RWDD4: variants seen among roughly 807,000 people sequenced by gnomAD.
RWDD4 encodes the protein RWD domain-containing protein 4.
Under a neutral mutation model 30.0 loss-of-function variants are expected in RWDD4, and 16 were observed. That is an observed-to-expected ratio of 0.53 (90% CI 0.36 to 0.81). The LOEUF (loss-of-function observed/expected upper bound fraction) is 0.81. Ranked by LOEUF, RWDD4 falls within the 30% of genes least tolerant of loss-of-function variation. The pLI is 0.00. For missense variants in RWDD4, 170 were observed against 223.9 expected, an observed-to-expected ratio of 0.76 and a Z score of 1.54; for synonymous variants, 45 against 72.1, an observed-to-expected ratio of 0.62 and a Z score of 1.90.
intron 2 of RWDD4, among the ~76,000 whole-genome samples, chr4:183,655,492 G>T (rs1362158849): frequency 1.3e-5 from 2 of 152,064 alleles, no homozygotes; most frequent in African/African-American, 2.4e-5. Context: ...CACCATGTTG[G>T]CCAGGATGGT....
chr4:183,656,718 G>A (rs929692265), intron 1 of RWDD4, among the ~76,000 whole-genome samples: 3 of 152,256 alleles, frequency 2.0e-5, no homozygotes, highest in South Asian at 4.1e-4. Flanking sequence ...TTGATCTACA[G>A]TCAAAATTTT....
intron 2 of RWDD4, among the ~76,000 whole-genome samples, chr4:183,655,366 C>G (rs966826308): frequency 6.6e-6 from 1 of 151,930 alleles, no homozygotes; most frequent in African/African-American, 2.4e-5. Context: ...ACTGCAAGCT[C>G]TGCCTCCCGG....
At chr4:183,652,705 G>A (rs529009303) in intron 2 of RWDD4, among the ~76,000 whole-genome samples, 1 of 151,628 alleles carries the variant, frequency 6.6e-6, no homozygotes, top group South Asian at 2.1e-4. Flanking sequence ...AGCTGCTCAG[G>A]AGGCTGAGGC....
chr4:183,642,380 G>A (rs1389307122), intron 7 of RWDD4, among the ~76,000 whole-genome samples: 2 of 137,010 alleles, frequency 1.5e-5, no homozygotes, highest in African/African-American at 3.1e-5. Context: ...TAGTAGAGAC[G>A]GGGTTTCACC....
chr4:183,658,368 G>A (rs769202097), intron 1 of RWDD4, among the ~76,000 whole-genome samples: 1 of 152,118 alleles, frequency 6.6e-6, no homozygotes, highest in African/African-American at 2.4e-5. Flanking sequence ...ATGATTCAAT[G>A]TCAAAATGGC....
chr4:183,642,317 G>A (rs1395828593), intron 7 of RWDD4, among the ~76,000 whole-genome samples: 4 of 125,264 alleles, frequency 3.2e-5, no homozygotes, highest in South Asian at 2.6e-4. Context: ...AGCCTCCCAA[G>A]TAGCTGGGAC....
At position 183,659,169 on chromosome 4, in the gene RWDD4, G is replaced by T; in HGVS notation, c.-217C>A. On this transcript the variant is annotated 5_prime_UTR_variant, in exon 1 of 8. Coordinates refer to ENST00000326397, the MANE Select transcript of RWDD4 (RefSeq NM_152682.4). ...TGGGCTACGAGCCGGAGCCGCGGCT[G>T]GTGGGGCCTGGGAAGTGCAGCGTCT... 1 of 397,854 alleles carries T rather than the reference G, an allele frequency of 2.5e-6. No individual in the cohort carries two copies. Among genetic ancestry groups the T allele is most frequent in the Non-Finnish European group, 4.4e-6 (1 of 227,138 alleles). The allele number at this position is 397,854 out of a possible 1,614,324, so 24.6% of individuals were successfully genotyped here.
rs1272214744 is a variant in RWDD4 at position 183,642,314 on chromosome 4, C to G, written c.535-846G>C. 1.4e-4 allele frequency among the ~76,000 whole-genome samples: 18 copies of G among 127,556 alleles called. 5 individuals carry two copies. Among genetic ancestry groups the G allele is most frequent in the Non-Finnish European group, 2.1e-4 (13 of 62,778 alleles). The allele number at this position is 127,556 out of a possible 152,430, so 83.7% of individuals were successfully genotyped here. ...ACGCCATTCTCCTGCCTCAGCCTCC[C>G]AAGTAGCTGGGACTACAGGCGCCCG... On this transcript the variant is annotated intron_variant, in intron 7 of 7. Transcript: ENST00000326397.
In RWDD4 at chr4:183,651,136, A is replaced by C. The variant is rs1734066050; in HGVS notation, c.216-5T>G. 6.2e-7 allele frequency: 1 copy of C among 1,614,100 alleles called. No individual in the cohort carries two copies. The highest frequency in any genetic ancestry group is 8.5e-7 in the Non-Finnish European group (1 of 1,180,004). ...CTCTGCTTTACAGCTGATGATCTAC[A>C]ATGCACAACAAAAATACCTTGCTGA... On this transcript the variant is annotated splice_region_variant and splice_polypyrimidine_tract_variant and intron_variant, in intron 3 of 7. Transcript: ENST00000326397.
intron 7 of RWDD4, 59 bp from the exon 8 acceptor site, chr4:183,641,527 A>G: frequency 1.5e-6 from 2 of 1,325,344 alleles, no homozygotes; most frequent in Non-Finnish European, 1.1e-6. Context: ...CACTATTTCC[A>G]TGGAGTATCA....
intron 1 of RWDD4, among the ~76,000 whole-genome samples, chr4:183,658,416 C>G (rs186094282): frequency 6.6e-6 from 1 of 152,164 alleles, no homozygotes; most frequent in Non-Finnish European, 1.5e-5. Flanking sequence ...ACCATAAATT[C>G]AGGTGGTACA....
chr4:183,648,224 G>A (rs190213448), intron 5 of RWDD4, among the ~76,000 whole-genome samples: 126 of 142,058 alleles, frequency 8.9e-4, no homozygotes, highest in Non-Finnish European at 1.6e-3. Context: ...GCAACAGAGC[G>A]AGACTCCGTC....
chr4:183,655,740 G>A (rs1734180545), intron 2 of RWDD4, 141 bp downstream of exon 2: 1 of 574,008 alleles, frequency 1.7e-6, no homozygotes. Flanking sequence ...ACTGATGTTA[G>A]GGTGATGTTT....
At chr4:183,653,451 C>T (rs1034290588) in intron 2 of RWDD4, 9 of 152,016 alleles carry the variant, frequency 5.9e-5, no homozygotes, top group African/African-American at 1.9e-4. Context: ...CACTACAAAA[C>T]TGTATGAATA....
At chr4:183,651,355 G>C (rs767892419) in intron 2 of RWDD4, 28 bp from the exon 3 acceptor site, 8 of 1,527,586 alleles carry the variant, frequency 5.2e-6, no homozygotes, top group Non-Finnish European at 7.2e-6. Flanking sequence ...TCTTAGGCTT[G>C]TAAAAGGTGA....
At chr4:183,642,885 C>T (rs931522414) in intron 7 of RWDD4, among the ~76,000 whole-genome samples, 2 of 150,434 alleles carry the variant, frequency 1.3e-5, no homozygotes, top group African/African-American at 4.9e-5. Context: ...GGTGAAACCC[C>T]GTCTCTACTA....
intron 5 of RWDD4, among the ~76,000 whole-genome samples, chr4:183,648,335 C>T (rs1036723995): frequency 8.6e-5 from 13 of 151,828 alleles, no homozygotes; most frequent in Admixed American, 5.9e-4. Flanking sequence ...TAGTAGCACA[C>T]GCATAGATAC....
chr4:183,656,645 G>GT (rs1422942914), intron 1 of RWDD4, among the ~76,000 whole-genome samples: 12 of 152,176 alleles, frequency 7.9e-5, no homozygotes, highest in Non-Finnish European at 1.6e-4. Flanking sequence ...TTGGGTACAC[G>GT]TTTAAGTTTT....
intron 7 of RWDD4, among the ~76,000 whole-genome samples, chr4:183,643,449 C>CAAAAAAAAAAAAAAA (rs1346905013): frequency 9.4e-5 from 4 of 42,458 alleles, no homozygotes; most frequent in East Asian, 5.0e-4. Context: ...AAAAAAAAAG[C>CAAAAAAAAAAAAAAA]ATTTAAGGGC....
Sources: allele counts gnomAD v4.1 joint callset (sites outside exome capture counted in the v4.1 genomes callset), GRCh38; gene constraint gnomAD v4.1.1; transcripts MANE v1.5; gene names NCBI Gene and HGNC (gene_info 2026-07-23, HGNC 2026-07-21).